The following FBXO8 variants were observed in gnomAD, a reference collection of about 807,000 sequenced individuals.
FBXO8 encodes the protein F-box only protein 8.
In FBXO8, 15 loss-of-function variants were observed where a neutral mutation model predicts 33.4. That is an observed-to-expected ratio of 0.45 (90% CI 0.30 to 0.69). The LOEUF is 0.69. Ranked by LOEUF, FBXO8 falls within the 30% of genes least tolerant of loss-of-function variation. The probability of loss-of-function intolerance (pLI) is 0.08; values close to 1 mark genes in which losing one functional copy is unlikely to be tolerated. For synonymous variants in FBXO8, 132 were observed against 131.5 expected (o/e 1.00, Z -0.02); for missense variants, 274 against 380.3 (o/e 0.72, Z 2.32).
chr4:174,276,922 G>A (rs567083518), intron 1 of FBXO8, among the ~76,000 whole-genome samples: 1 of 152,254 alleles, frequency 6.6e-6, no homozygotes, highest in African/African-American at 2.4e-5. Flanking sequence ...CTATTTTACA[G>A]GGTGGCTATG....
At chr4:174,249,056 A>C (rs1477747968) in intron 3 of FBXO8, among the ~76,000 whole-genome samples, 1 of 152,100 alleles carries the variant, frequency 6.6e-6, no homozygotes, top group Admixed American at 6.6e-5. Flanking sequence ...GTTTTAAATA[A>C]TTAAAAGCCC....
rs2126409011 is a variant in FBXO8, at chr4:174,236,769, C to T, written c.*643G>A. 6.6e-6 allele frequency: 1 copy of T among 151,616 alleles called. No individual in the cohort carries two copies. Among genetic ancestry groups the T allele is most frequent in the Non-Finnish European group, 1.5e-5 (1 of 67,822 alleles). 9.4% of individuals were successfully genotyped at this position (151,616 alleles called of 1,614,324 possible). On this transcript the variant is annotated 3_prime_UTR_variant, in exon 6 of 6. Transcript: ENST00000393674. ...AGGACTTACCGAGACTTGATTAACCCAGTTTTTAAAATAAAAAATCAAATT... is the reference window on the plus strand; with the variant it reads ...AGGACTTACCGAGACTTGATTAACCTAGTTTTTAAAATAAAAAATCAAATT...
chr4:174,276,703 CATAA>C (rs1349805087), intron 1 of FBXO8, among the ~76,000 whole-genome samples: 8 of 152,182 alleles, frequency 5.3e-5, no homozygotes, highest in East Asian at 1.9e-4. Context: ...CTAATTTCAG[CATAA>C]ATAAATAAAA....
At chr4:174,271,237 G>A (rs1433053456) in intron 1 of FBXO8, among the ~76,000 whole-genome samples, 5 of 152,306 alleles carry the variant, frequency 3.3e-5, no homozygotes, top group African/African-American at 1.2e-4. Context: ...AAGCCATGTA[G>A]AGAAAGACAG....
intron 1 of FBXO8, among the ~76,000 whole-genome samples, chr4:174,268,506 C>G (rs1445710690): frequency 6.6e-6 from 1 of 152,122 alleles, no homozygotes; most frequent in Non-Finnish European, 1.5e-5. Flanking sequence ...GATCTCGGCT[C>G]ACTGCAAGTT....
rs945949844 is a variant in FBXO8 at position 174,251,857 on chromosome 4, A to T, written c.456+7842T>A. Among the ~76,000 whole-genome samples, 1 of 152,052 alleles carries T rather than the reference A, an allele frequency of 6.6e-6. No homozygotes were observed. The highest frequency in any genetic ancestry group is 1.5e-5 in the Non-Finnish European group (1 of 68,000). ...GGTAAACAGTTCTTACAGAGGGGGG[A>T]GCTACTTAAGCCATATTTGGTGAGG... is the stretch of plus-strand genomic sequence containing the variant. On this transcript the variant is annotated intron_variant, in intron 3 of 5. Transcript: ENST00000393674. The surrounding 1 kb of genome is among the most constrained non-coding windows in gnomAD (Gnocchi z 4.2).
intron 3 of FBXO8, among the ~76,000 whole-genome samples, chr4:174,249,569 C>A (rs1175103383): frequency 1.3e-5 from 2 of 151,826 alleles, no homozygotes; most frequent in Non-Finnish European, 1.5e-5. Context: ...ATTTTAACAG[C>A]TCTGAAACAG....
chr4:174,254,381 C>T lies in FBXO8; in HGVS notation c.456+5318G>A, dbSNP rs1217431382. ...AAGCCAAATTTCTAGATGTATAGAA[C>T]TAAGGATAAAACCTCAAAAGGTAGT... On this transcript the variant is annotated intron_variant, in intron 3 of 5. Transcript: ENST00000393674. The surrounding 1 kb of genome is among the most constrained non-coding windows in gnomAD (Gnocchi z 4.2). Among the ~76,000 whole-genome samples the T allele has an allele frequency of 6.6e-6, 1 of 152,074 alleles. No individual in the cohort carries two copies. Among genetic ancestry groups the T allele is most frequent in the Non-Finnish European group, 1.5e-5 (1 of 68,012 alleles).
chr4:174,247,672 CTT>C lies in FBXO8; in HGVS notation c.457-6456_457-6455del, dbSNP rs1371818194. On this transcript the variant is annotated intron_variant, in intron 3 of 5. Transcript: ENST00000393674. This position sits in a 1 kb window ranked among gnomAD's most constrained non-coding sequence, Gnocchi z 4.6. ...AAGTATACATTTGAGCACAATGAAA[CTT>C]AAACTGAAATGTAACATTTTCAAAC... Among the ~76,000 whole-genome samples, 1 of 151,880 alleles carries C rather than the reference CTT, an allele frequency of 6.6e-6. No individual in the cohort carries two copies. The highest frequency in any genetic ancestry group is 1.5e-5 in the Non-Finnish European group (1 of 67,936).
rs1410835459 is a variant in FBXO8, at chr4:174,256,178, T to C, written c.456+3521A>G. 2.2e-6 allele frequency: 1 copy of C among 453,716 alleles called. No homozygotes were observed. The highest frequency in any genetic ancestry group is 4.4e-6 in the Non-Finnish European group (1 of 226,340). The allele number at this position is 453,716 out of a possible 1,614,324, so 28.1% of individuals were successfully genotyped here. Reference sequence around the variant, plus strand: ...TATTCTTATTTTTATAATATTTTAATGATGTTTGCTATCAAAATGTTAAGT... The same window carrying C: ...TATTCTTATTTTTATAATATTTTAACGATGTTTGCTATCAAAATGTTAAGT... On this transcript the variant is annotated intron_variant, in intron 3 of 5. Coordinates refer to ENST00000393674, the MANE Select transcript of FBXO8 (RefSeq NM_012180.3). This position sits in a 1 kb window ranked among gnomAD's most constrained non-coding sequence, Gnocchi z 4.6.
At chr4:174,238,919 C>T (rs1233951929) in intron 5 of FBXO8, 75 bp downstream of exon 5, 1 of 949,142 alleles carries the variant, frequency 1.1e-6, no homozygotes, top group East Asian at 2.9e-5. Flanking sequence ...CACAGTGAGA[C>T]AAATGTCTCA....
At position 174,257,902 on chromosome 4, in the gene FBXO8, A is replaced by T. The variant is rs946719306; in HGVS notation, c.456+1797T>A. Among the ~76,000 whole-genome samples the T allele has an allele frequency of 9.2e-5, 14 of 151,900 alleles. No homozygotes were observed. Among genetic ancestry groups the T allele is most frequent in the Admixed American group, 5.3e-4 (8 of 15,226 alleles). ...ACAATGCCTAGCTAATTTTTTAAAA[A>T]TTTTTTGTGGAGACAGGACCTCCCT... On this transcript the variant is annotated intron_variant, in intron 3 of 5. Coordinates refer to ENST00000393674, the MANE Select transcript of FBXO8 (RefSeq NM_012180.3). The surrounding 1 kb of genome is among the most constrained non-coding windows in gnomAD (Gnocchi z 4.3).
rs1736358571 is a variant in FBXO8, at chr4:174,253,995, T to A, written c.456+5704A>T. Reference sequence around the variant, plus strand: ...CACTAAAGTAACTGGGATACCTGCATCCAGGACTCTTTTGAAGTAAACAAA... The same window carrying A: ...CACTAAAGTAACTGGGATACCTGCAACCAGGACTCTTTTGAAGTAAACAAA... On this transcript the variant is annotated intron_variant, in intron 3 of 5. Transcript: ENST00000393674. The surrounding 1 kb of genome is among the most constrained non-coding windows in gnomAD (Gnocchi z 4.5). 6.6e-6 allele frequency among the ~76,000 whole-genome samples: 1 copy of A among 152,190 alleles called. No individual in the cohort carries two copies. The highest frequency in any genetic ancestry group is 2.4e-5 in the African/African-American group (1 of 41,452).
Position 174,281,591 on chromosome 4 carries a change from G to A in FBXO8, c.-9+1819C>T, listed in dbSNP as rs112441533. Among the ~76,000 whole-genome samples, 1,283 of 152,224 alleles carry A rather than the reference G, an allele frequency of 8.4e-3. 7 individuals carry two copies. The highest frequency in any genetic ancestry group is 0.014 in the Non-Finnish European group (971 of 68,008). On this transcript the variant is annotated intron_variant, in intron 1 of 5. Coordinates refer to ENST00000393674, the MANE Select transcript of FBXO8 (RefSeq NM_012180.3). This position sits in a 1 kb window ranked among gnomAD's most constrained non-coding sequence, Gnocchi z 4.6. ...TGGTCCCAGGTACTCTGAAGGCTGAGGTGGGAGGGAGAATTGCTTGAACCT... is the reference window on the plus strand; with the variant it reads ...TGGTCCCAGGTACTCTGAAGGCTGAAGTGGGAGGGAGAATTGCTTGAACCT...
In FBXO8 at chr4:174,257,647, T is replaced by A. The variant is rs1010967032; in HGVS notation, c.456+2052A>T. ...TCATTCAATTACCTCAACAGACTGA[T>A]GCAAAATATATATCTTTATTGTGAC... On this transcript the variant is annotated intron_variant, in intron 3 of 5. Coordinates refer to ENST00000393674, the MANE Select transcript of FBXO8 (RefSeq NM_012180.3). This position sits in a 1 kb window ranked among gnomAD's most constrained non-coding sequence, Gnocchi z 4.3. 6.6e-6 allele frequency among the ~76,000 whole-genome samples: 1 copy of A among 152,108 alleles called. No homozygotes were observed. Among genetic ancestry groups the A allele is most frequent in the African/African-American group, 2.4e-5 (1 of 41,426 alleles).
At chr4:174,266,264 A>G (rs1347950453) in intron 1 of FBXO8, among the ~76,000 whole-genome samples, 4 of 152,096 alleles carry the variant, frequency 2.6e-5, no homozygotes, top group Non-Finnish European at 4.4e-5. Context: ...TAATAATAAT[A>G]ATGGGGAGGT....
Position 174,283,613 on chromosome 4 carries a change from C to T in FBXO8, c.-212G>A, listed in dbSNP as rs968766774. On this transcript the variant is annotated 5_prime_UTR_variant, in exon 1 of 6. Transcript: ENST00000393674. The surrounding 1 kb of genome is among the most constrained non-coding windows in gnomAD (Gnocchi z 6.7). ...ACGACCCTCAGAACTCAGGGTACCT[C>T]CAGCTGCAGGGGCCAGAACTGCCGA... 3.0e-5 allele frequency: 10 copies of T among 335,208 alleles called. No homozygotes were observed. The highest frequency in any genetic ancestry group is 7.7e-4 in the Middle Eastern group (1 of 1,298). 20.8% of individuals were successfully genotyped at this position (335,208 alleles called of 1,614,324 possible).
intron 1 of FBXO8, among the ~76,000 whole-genome samples, chr4:174,268,186 T>A (rs1387077939): frequency 1.3e-5 from 2 of 152,190 alleles, no homozygotes; most frequent in Non-Finnish European, 2.9e-5. Flanking sequence ...AGGGTTAGGT[T>A]ACTGTAAGCC....
rs934666258 is a variant in FBXO8 at position 174,275,874 on chromosome 4, T to C, written c.-9+7536A>G. 6.6e-5 allele frequency among the ~76,000 whole-genome samples: 10 copies of C among 152,178 alleles called. No individual in the cohort carries two copies. The highest frequency in any genetic ancestry group is 2.4e-4 in the African/African-American group (10 of 41,466). On this transcript the variant is annotated intron_variant, in intron 1 of 5. Coordinates refer to ENST00000393674, the MANE Select transcript of FBXO8 (RefSeq NM_012180.3). This position sits in a 1 kb window ranked among gnomAD's most constrained non-coding sequence, Gnocchi z 4.4. ...ATAGACACAAATCCTAAATGATGTT[T>C]TGACCACTTACATAGGATATATAAA...
Sources: allele counts gnomAD v4.1 joint callset (sites outside exome capture counted in the v4.1 genomes callset), GRCh38; gene constraint gnomAD v4.1.1; non-coding constraint Gnocchi (gnomAD v3.1); transcripts MANE v1.5; gene names NCBI Gene and HGNC (gene_info 2026-07-23, HGNC 2026-07-21).